Variants in TRPC1 observed in about 807,000 individuals in gnomAD.
The protein encoded by TRPC1 is transient receptor potential cation channel subfamily C member 1.
In TRPC1, 42 loss-of-function variants were observed where a neutral mutation model predicts 88.2. The ratio of observed to expected loss-of-function variants is 0.48; its 90% confidence interval spans 0.37 to 0.62. The LOEUF (loss-of-function observed/expected upper bound fraction) is 0.62. Among genes scored for constraint, TRPC1 ranks in the 20% least tolerant of loss-of-function variants. The pLI is 0.00. For synonymous variants in TRPC1, 288 were observed against 331.8 expected (o/e 0.87, Z 1.43); for missense variants, 699 against 957.3 (o/e 0.73, Z 3.56).
chr3:142,729,969 T>G (rs981185066), intron 1 of TRPC1, among the ~76,000 whole-genome samples: 1 of 152,188 alleles, frequency 6.6e-6, no homozygotes, highest in African/African-American at 2.4e-5. Flanking sequence ...TATTAATAGC[T>G]TCTGTTAATT....
chr3:142,745,308 A>C (rs1465781946), intron 3 of TRPC1, among the ~76,000 whole-genome samples: 2 of 152,130 alleles, frequency 1.3e-5, no homozygotes, highest in Non-Finnish European at 2.9e-5. Context: ...GTGCTTGAGT[A>C]CTGGAACCAT....
chr3:142,739,542 G>A (rs1435432794), intron 2 of TRPC1, among the ~76,000 whole-genome samples: 1 of 152,188 alleles, frequency 6.6e-6, no homozygotes, highest in Non-Finnish European at 1.5e-5. Context: ...GAACAAAACA[G>A]TTGGGTTGGG....
chr3:142,779,602 AATG>A (rs1465616844), intron 5 of TRPC1, among the ~76,000 whole-genome samples: 1 of 152,172 alleles, frequency 6.6e-6, no homozygotes, highest in Non-Finnish European at 1.5e-5. Context: ...ATGTATAAAG[AATG>A]ATGAGAGAAA....
At chr3:142,727,770 A>G (rs1933742832) in intron 1 of TRPC1, among the ~76,000 whole-genome samples, 1 of 152,200 alleles carries the variant, frequency 6.6e-6, no homozygotes, top group African/African-American at 2.4e-5. Flanking sequence ...AATTGAAACA[A>G]GAGCTGACTA....
In TRPC1 at chr3:142,806,402, T is replaced by G; in HGVS notation, c.*167T>G. The G allele has an allele frequency of 1.7e-6, 1 of 576,264 alleles. No individual in the cohort carries two copies. The highest frequency in any genetic ancestry group is 3.8e-5 in the South Asian group (1 of 26,290). 35.7% of individuals were successfully genotyped at this position (576,264 alleles called of 1,614,324 possible). A position where few individuals can be genotyped will look rare whatever the true frequency, so the allele number is the denominator to read the frequency against. ...ATATATGTTATGTAAAGTGTGTATA[T>G]AGAATTAGTTTTTTAAACCTTCTGT... On this transcript the variant is annotated 3_prime_UTR_variant, in exon 13 of 13. Transcript: ENST00000476941.
chr3:142,777,344 C>T (rs1420417526), intron 4 of TRPC1, among the ~76,000 whole-genome samples: 2 of 152,024 alleles, frequency 1.3e-5, no homozygotes, highest in Admixed American at 1.3e-4. Flanking sequence ...TTTAATTAAA[C>T]TGGATTAAAC....
At chr3:142,737,124 G>A (rs547274243) in intron 2 of TRPC1, among the ~76,000 whole-genome samples, 3 of 152,042 alleles carry the variant, frequency 2.0e-5, no homozygotes, top group Non-Finnish European at 4.4e-5. Context: ...AGTCTTGAAT[G>A]AATTCAGTCT....
intron 4 of TRPC1, among the ~76,000 whole-genome samples, chr3:142,756,953 T>G (rs1577967287): frequency 6.6e-6 from 1 of 152,320 alleles, no homozygotes; most frequent in East Asian, 1.9e-4. Flanking sequence ...ATCTACTGTT[T>G]TAGCTACCAA....
intron 5 of TRPC1, among the ~76,000 whole-genome samples, chr3:142,780,442 A>G (rs1935924683): frequency 6.6e-6 from 1 of 152,378 alleles, no homozygotes; most frequent in East Asian, 1.9e-4. Context: ...ATTGGATAGC[A>G]TTAAGATATT....
chr3:142,726,483 G>T (rs1019429334), intron 1 of TRPC1, among the ~76,000 whole-genome samples: 3 of 151,946 alleles, frequency 2.0e-5, no homozygotes, highest in Non-Finnish European at 2.9e-5. Flanking sequence ...CTTGGCTTTG[G>T]GGGGGTAGGG....
chr3:142,754,844 CG>C (rs1317653737), intron 4 of TRPC1, among the ~76,000 whole-genome samples: 1 of 151,594 alleles, frequency 6.6e-6, no homozygotes, highest in Non-Finnish European at 1.5e-5. Context: ...AAGAGTGACA[CG>C]GAAGTAGGAA....
intron 1 of TRPC1, among the ~76,000 whole-genome samples, chr3:142,731,673 C>T (rs956786656): frequency 2.0e-5 from 3 of 151,940 alleles, no homozygotes; most frequent in Non-Finnish European, 4.4e-5. Flanking sequence ...CATGAGCCAC[C>T]GCGCCCGGCT....
Position 142,743,539 on chromosome 3 carries a change from A to ATACT in TRPC1, c.383_386dup (p.Leu130ThrfsTer3). On this transcript the variant is annotated frameshift_variant, in exon 3 of 13. Transcript: ENST00000476941. LOFTEE classifies it high-confidence loss of function. ...CTCTGAAGTAGTGGGAGCTGTTGAT[A>ATACT]TACTACTTAATCATCGACCAAAACG... 1 of 1,528,112 alleles carries ATACT rather than the reference A, an allele frequency of 6.5e-7. No individual in the cohort carries two copies. The highest frequency in any genetic ancestry group is 8.7e-7 in the Non-Finnish European group (1 of 1,143,512). The allele number at this position is 1,528,112 out of a possible 1,614,324, so 94.7% of individuals were successfully genotyped here.
chr3:142,736,521 C>A lies in TRPC1; in HGVS notation c.315C>A (p.Asp105Glu), dbSNP rs1474725302. The A allele has an allele frequency of 6.2e-7, 1 of 1,608,256 alleles. No homozygotes were observed. The highest frequency in any genetic ancestry group is 8.5e-7 in the Non-Finnish European group (1 of 1,177,934). ...ENLDILQLLL[D>E]YGCQSADALL... ...TGGATATACTGCAGCTTCTTTTGGA[C>A]TACGGTTGTCAGGTACAAGGCTAGA... Residue 105 changes from aspartate (D) to glutamate (E), a missense_variant, in exon 2 of 13, where the codon GAC (aspartate) becomes GAA (glutamate). By Grantham distance (45) the Asp-to-Glu change is conservative (BLOSUM62 2). Transcript: ENST00000476941.
Position 142,776,919 on chromosome 3 carries a change from A to G in TRPC1, c.633-713A>G, listed in dbSNP as rs1431250866. On this transcript the variant is annotated intron_variant, in intron 4 of 12. Transcript: ENST00000476941. This position sits in a 1 kb window ranked among gnomAD's most constrained non-coding sequence, Gnocchi z 4.1. ...TCCATCTCAAAAAAAAAAGAAAAAA[A>G]AAGTATTTTTATTACTGAGAGAGAA... Among the ~76,000 whole-genome samples the G allele has an allele frequency of 6.6e-6, 1 of 152,160 alleles. No homozygotes were observed. Among genetic ancestry groups the G allele is most frequent in the South Asian group, 2.1e-4 (1 of 4,824 alleles).
At chr3:142,748,198 T>A (rs1934627089) in intron 3 of TRPC1, 60 bp from the exon 4 acceptor site, 2 of 1,371,268 alleles carry the variant, frequency 1.5e-6, no homozygotes, top group East Asian at 4.7e-5. Context: ...ATTCTTCAGA[T>A]AAATATATTT....
intron 2 of TRPC1, 91 bp from the exon 3 acceptor site, chr3:142,743,394 T>G: frequency 2.8e-6 from 3 of 1,056,894 alleles, no homozygotes; most frequent in Non-Finnish European, 2.6e-6. Flanking sequence ...ACAGTTTAAA[T>G]TTTTAAAAAG....
chr3:142,791,014 C>A lies in TRPC1; in HGVS notation c.1298-5C>A, dbSNP rs756276291. 1.3e-6 allele frequency: 2 copies of A among 1,557,948 alleles called. No homozygotes were observed. The highest frequency in any genetic ancestry group is 2.5e-5 in the South Asian group (2 of 78,874). ...GTTATCTGATTTTTTTCTTCCTTTTCTCAGGGATGATTTGGTCAGACATTA... is the reference window on the plus strand; with the variant it reads ...GTTATCTGATTTTTTTCTTCCTTTTATCAGGGATGATTTGGTCAGACATTA... On this transcript the variant is annotated splice_region_variant and splice_polypyrimidine_tract_variant and intron_variant, in intron 7 of 12. Transcript: ENST00000476941.
chr3:142,732,452 C>A (rs1933960581), intron 1 of TRPC1, among the ~76,000 whole-genome samples: 1 of 151,956 alleles, frequency 6.6e-6, no homozygotes, highest in African/African-American at 2.4e-5. Flanking sequence ...AAGGTGGAGG[C>A]CTTGTGGAGA....
Sources: gnomAD v4.1 joint callset for allele counts (sites outside exome capture counted in the v4.1 genomes callset) on GRCh38, gnomAD v4.1.1 for gene constraint, Gnocchi (gnomAD v3.1) non-coding constraint, MANE v1.5 for transcripts, NCBI Gene and HGNC (gene_info 2026-07-23, HGNC 2026-07-21) for gene names.